Variants in PCSK2 observed in about 807,000 individuals in gnomAD.
The protein encoded by PCSK2 is proprotein convertase subtilisin/kexin type 2.
Under a neutral mutation model 69.7 loss-of-function variants are expected in PCSK2, and 14 were observed. That is an observed-to-expected ratio of 0.20 (90% CI 0.13 to 0.31). PCSK2 has a LOEUF of 0.31. Ranked by LOEUF, PCSK2 falls within the 10% of genes least tolerant of loss-of-function variation. The pLI is 1.00. For synonymous variants in PCSK2, 307 were observed against 320.7 expected, an observed-to-expected ratio of 0.96 and a Z score of 0.46; for missense variants, 544 against 842.5, an observed-to-expected ratio of 0.65 and a Z score of 4.39.
At chr20:17,314,990 T>A (rs1480791653) in intron 2 of PCSK2, among the ~76,000 whole-genome samples, 1 of 152,178 alleles carries the variant, frequency 6.6e-6, no homozygotes, top group African/African-American at 2.4e-5. Flanking sequence ...CAACACTGGA[T>A]ATTAAATGCT....
intron 2 of PCSK2, 82 bp downstream of exon 2, chr20:17,260,426 G>A: frequency 1.1e-6 from 1 of 895,590 alleles, no homozygotes; most frequent in Non-Finnish European, 1.9e-6. Flanking sequence ...GGCTGGCAGG[G>A]AATTTTGAAG....
At chr20:17,416,810 G>A (rs575587710) in intron 6 of PCSK2, among the ~76,000 whole-genome samples, 125 of 152,242 alleles carry the variant, frequency 8.2e-4, no homozygotes, top group African/African-American at 2.9e-3. Context: ...AAGAAAATGT[G>A]GCACATATAC....
At chr20:17,308,485 A>G (rs761639468) in intron 2 of PCSK2, among the ~76,000 whole-genome samples, 22 of 152,226 alleles carry the variant, frequency 1.4e-4, no homozygotes, top group Non-Finnish European at 2.2e-4. Context: ...GCGGAAGTGC[A>G]AAGGTCCCGA....
chr20:17,309,840 G>T (rs1989446309), intron 2 of PCSK2, among the ~76,000 whole-genome samples: 1 of 143,012 alleles, frequency 7.0e-6, no homozygotes, highest in Non-Finnish European at 1.5e-5. Context: ...AGAAGAAGAA[G>T]AGGAAGAGGA....
At chr20:17,329,554 C>A (rs539916358) in intron 2 of PCSK2, among the ~76,000 whole-genome samples, 1 of 152,148 alleles carries the variant, frequency 6.6e-6, no homozygotes, top group East Asian at 1.9e-4. Flanking sequence ...ACTTATTACA[C>A]GTATTGAAGT....
At chr20:17,471,369 A>T (rs1354955824) in intron 11 of PCSK2, among the ~76,000 whole-genome samples, 1 of 152,212 alleles carries the variant, frequency 6.6e-6, no homozygotes, top group African/African-American at 2.4e-5. Flanking sequence ...TTTTCAATGA[A>T]GAGAAATGGG....
chr20:17,347,930 A>AAAAGAGAAAGAAAGAAAGAAAGAAAG (rs1276362241), intron 2 of PCSK2, among the ~76,000 whole-genome samples: 1 of 71,640 alleles, frequency 1.4e-5, no homozygotes, highest in Non-Finnish European at 2.8e-5. Flanking sequence ...GGAGAGAGAA[A>AAAAGAGAAAGAAAGAAAGAAAGAAAG]AAAGAGAAAG....
chr20:17,382,122 A>C (rs1568626556), intron 5 of PCSK2, among the ~76,000 whole-genome samples: 1 of 152,022 alleles, frequency 6.6e-6, no homozygotes, highest in African/African-American at 2.4e-5. Flanking sequence ...CCTCCCGTGG[A>C]GAGTTGGTAG....
intron 10 of PCSK2, among the ~76,000 whole-genome samples, chr20:17,458,230 T>A (rs1260910299): frequency 6.6e-6 from 1 of 152,010 alleles, no homozygotes; most frequent in Non-Finnish European, 1.5e-5. Context: ...GACCCTGAGA[T>A]GAGATTTTGG....
intron 2 of PCSK2, among the ~76,000 whole-genome samples, chr20:17,339,084 C>T (rs182491821): frequency 6.6e-6 from 1 of 152,292 alleles, no homozygotes; most frequent in East Asian, 1.9e-4. Context: ...AGACCCTCCC[C>T]TAGAAAGCTT....
intron 5 of PCSK2, among the ~76,000 whole-genome samples, chr20:17,387,879 C>T (rs2031277589): frequency 6.6e-6 from 1 of 152,166 alleles, no homozygotes; most frequent in African/African-American, 2.4e-5. Context: ...TAATTATGAT[C>T]TAGGTGCTTT....
intron 8 of PCSK2, among the ~76,000 whole-genome samples, chr20:17,450,404 A>G (rs2032800838): frequency 6.6e-6 from 1 of 152,138 alleles, no homozygotes; most frequent in Non-Finnish European, 1.5e-5. Flanking sequence ...ACTGAATAGG[A>G]TAATATGTGA....
intron 2 of PCSK2, among the ~76,000 whole-genome samples, chr20:17,284,278 C>G (rs1014062275): frequency 1.3e-5 from 2 of 152,156 alleles, no homozygotes; most frequent in African/African-American, 4.8e-5. Context: ...CAGGCTTGGC[C>G]CCGTATACAT....
At chr20:17,313,482 CAGGAGG>C (rs1313922360) in intron 2 of PCSK2, among the ~76,000 whole-genome samples, 1 of 151,932 alleles carries the variant, frequency 6.6e-6, no homozygotes, top group East Asian at 1.9e-4. Flanking sequence ...CACTAAAACC[CAGGAGG>C]AAGCAGTTGA....
At chr20:17,481,289 T>G (rs1003315845) in intron 11 of PCSK2, among the ~76,000 whole-genome samples, 8 of 145,448 alleles carry the variant, frequency 5.5e-5, no homozygotes, top group African/African-American at 2.1e-4. Flanking sequence ...GGCTGAGGCA[T>G]GAGAATCACT....
Position 17,383,653 on chromosome 20 carries a change from A to C in PCSK2, c.543+14376A>C, listed in dbSNP as rs6044771. 9.6e-3 allele frequency among the ~76,000 whole-genome samples: 1,458 copies of C among 152,282 alleles called. 9 individuals are homozygous for C. The highest frequency in any genetic ancestry group is 0.015 in the South Asian group (74 of 4,820). On this transcript the variant is annotated intron_variant, in intron 5 of 11. Transcript: ENST00000262545. Reference sequence around the variant, plus strand: ...TCAAAAAGATTTTGAAAAATAAAAAAAAGAAAAAGAAAGAGGAAAAAAACC... The same window carrying C: ...TCAAAAAGATTTTGAAAAATAAAAACAAGAAAAAGAAAGAGGAAAAAAACC...
intron 2 of PCSK2, among the ~76,000 whole-genome samples, chr20:17,278,571 G>A (rs1988182317): frequency 6.6e-6 from 1 of 152,080 alleles, no homozygotes; most frequent in African/African-American, 2.4e-5. Context: ...GGACTGTTGT[G>A]GGGTGGGAGG....
At chr20:17,353,386 AC>A (rs200465507) in intron 2 of PCSK2, among the ~76,000 whole-genome samples, 1,892 of 149,878 alleles carry the variant, frequency 0.013, 14 homozygotes, top group East Asian at 0.034. Flanking sequence ...AATCGCTTGA[AC>A]CCGGGAGGTG....
chr20:17,392,385 T>A (rs1040879933), intron 5 of PCSK2, among the ~76,000 whole-genome samples: 1 of 152,232 alleles, frequency 6.6e-6, no homozygotes, highest in Non-Finnish European at 1.5e-5. Flanking sequence ...TTAGAAATCA[T>A]CATAATTTTC....
Sources: gnomAD v4.1 joint callset for allele counts (sites outside exome capture counted in the v4.1 genomes callset) on GRCh38, gnomAD v4.1.1 for gene constraint, MANE v1.5 for transcripts, NCBI Gene and HGNC (gene_info 2026-07-23, HGNC 2026-07-21) for gene names.